HHAT: variants seen among roughly 807,000 people sequenced by gnomAD.
HHAT encodes protein-cysteine N-palmitoyltransferase HHAT.
A neutral mutation model predicts 70.8 loss-of-function variants in HHAT; 47 were observed. The observed-to-expected ratio is 0.66, with a 90% CI of 0.53 to 0.85. HHAT has a LOEUF of 0.85. HHAT is among the 40% of genes least tolerant of loss of function. The pLI is 0.00. For missense variants in HHAT, 609 were observed against 604.8 expected (o/e 1.01, Z -0.07); for synonymous variants, 228 against 247.6 (o/e 0.92, Z 0.74).
Position 210,493,257 on chromosome 1 carries a change from T to C in HHAT, c.1008-19896T>C, listed in dbSNP as rs974266551. Among the ~76,000 whole-genome samples, 3 of 151,936 alleles carry C rather than the reference T, an allele frequency of 2.0e-5. No individual in the cohort carries two copies. In the South Asian group the frequency reaches 6.2e-4, roughly 32 times the overall value. The stretch of plus-strand genomic sequence containing the variant: ...TCACATGTATGTATGTGCATGTATA[T>C]ATACATACATATTTATATATATTTA... On this transcript the variant is annotated intron_variant, in intron 8 of 11. Coordinates refer to ENST00000261458, the MANE Select transcript of HHAT (RefSeq NM_018194.6).
chr1:210,633,666 A>G (rs192651524), intron 11 of HHAT, among the ~76,000 whole-genome samples: 3 of 152,324 alleles, frequency 2.0e-5, no homozygotes, highest in Non-Finnish European at 4.4e-5. Flanking sequence ...TTGATTACAC[A>G]GGAAGCAGCA....
chr1:210,332,179 GC>G (rs2085048880), intron 1 of HHAT, among the ~76,000 whole-genome samples: 1 of 152,166 alleles, frequency 6.6e-6, no homozygotes, highest in South Asian at 2.1e-4. Flanking sequence ...GACCTCTTTG[GC>G]CCGAGTAGTG....
chr1:210,357,497 C>G (rs1231079318), intron 2 of HHAT, among the ~76,000 whole-genome samples: 1 of 152,190 alleles, frequency 6.6e-6, no homozygotes, highest in Non-Finnish European at 1.5e-5. Context: ...TTCTCCATGA[C>G]TGTCCAATCT....
At chr1:210,637,739 A>C (rs1380756327) in intron 11 of HHAT, among the ~76,000 whole-genome samples, 1 of 152,014 alleles carries the variant, frequency 6.6e-6, no homozygotes, top group Non-Finnish European at 1.5e-5. Context: ...ACACGCCTGT[A>C]GTCCCAGCTA....
intron 9 of HHAT, among the ~76,000 whole-genome samples, chr1:210,584,222 G>A (rs1159734703): frequency 9.2e-5 from 14 of 151,768 alleles, no homozygotes; most frequent in African/African-American, 3.1e-4. Context: ...GATTACAGGC[G>A]TGAGCCACTG....
At chr1:210,628,678 G>C (rs1043403050) in intron 11 of HHAT, among the ~76,000 whole-genome samples, 2 of 152,122 alleles carry the variant, frequency 1.3e-5, no homozygotes, top group African/African-American at 2.4e-5. Context: ...ATATTTTCTT[G>C]CTATTTCTAG....
At chr1:210,518,604 C>T (rs1401234299) in intron 9 of HHAT, among the ~76,000 whole-genome samples, 1 of 152,098 alleles carries the variant, frequency 6.6e-6, no homozygotes, top group East Asian at 1.9e-4. Context: ...ACCAGCCTGG[C>T]CAACATGGCA....
At chr1:210,450,034 C>T (rs951967103) in intron 7 of HHAT, among the ~76,000 whole-genome samples, 1 of 152,084 alleles carries the variant, frequency 6.6e-6, no homozygotes, top group Admixed American at 6.6e-5. Flanking sequence ...GTGGCTCACC[C>T]CTGTTATCCT....
intron 9 of HHAT, among the ~76,000 whole-genome samples, chr1:210,540,498 C>T (rs1409268537): frequency 1.5e-5 from 2 of 137,620 alleles, no homozygotes; most frequent in African/African-American, 5.0e-5. Flanking sequence ...CACGCACACA[C>T]ACATGCACAC....
intron 9 of HHAT, among the ~76,000 whole-genome samples, chr1:210,563,962 TG>T (rs1283078469): frequency 6.6e-6 from 1 of 152,126 alleles, no homozygotes; most frequent in African/African-American, 2.4e-5. Context: ...TTTGTTTGTT[TG>T]TTTGTTTTGA....
intron 3 of HHAT, among the ~76,000 whole-genome samples, chr1:210,373,997 C>T (rs908928491): frequency 6.6e-6 from 1 of 152,190 alleles, no homozygotes; most frequent in Non-Finnish European, 1.5e-5. Context: ...AGACTTTTAT[C>T]ATGCAAGTAT....
chr1:210,448,990 C>A (rs1421067632), intron 7 of HHAT, among the ~76,000 whole-genome samples: 2 of 152,192 alleles, frequency 1.3e-5, no homozygotes, highest in African/African-American at 4.8e-5. Context: ...CTGAACATCA[C>A]CCTGGCTCTC....
At chr1:210,354,551 A>AAAAG (rs2087413524) in intron 2 of HHAT, among the ~76,000 whole-genome samples, 1 of 152,098 alleles carries the variant, frequency 6.6e-6, no homozygotes, top group Non-Finnish European at 1.5e-5. Context: ...AAAGAGAGAC[A>AAAAG]AGCTCTCTCT....
intron 4 of HHAT, among the ~76,000 whole-genome samples, chr1:210,394,674 G>C (rs1030045451): frequency 1.3e-5 from 2 of 152,196 alleles, no homozygotes; most frequent in African/African-American, 4.8e-5. Context: ...GACAGGCTGA[G>C]CTCATCAGGC....
intron 2 of HHAT, among the ~76,000 whole-genome samples, chr1:210,355,980 A>G (rs2087567284): frequency 6.6e-6 from 1 of 152,102 alleles, no homozygotes; most frequent in Non-Finnish European, 1.5e-5. Flanking sequence ...GTAGTGGCTC[A>G]GTCCTAGCTC....
At chr1:210,657,181 C>A (rs1676623763) in intron 11 of HHAT, among the ~76,000 whole-genome samples, 1 of 152,196 alleles carries the variant, frequency 6.6e-6, no homozygotes, top group Non-Finnish European at 1.5e-5. Flanking sequence ...GGCTCCACAG[C>A]CACCTACTGC....
chr1:210,652,871 G>A (rs1341268889), intron 11 of HHAT, among the ~76,000 whole-genome samples: 1 of 152,220 alleles, frequency 6.6e-6, no homozygotes, highest in Non-Finnish European at 1.5e-5. Context: ...ATAGATTCCT[G>A]TAGAAGTATA....
At chr1:210,425,907 C>T (rs919055619) in intron 7 of HHAT, among the ~76,000 whole-genome samples, 18 of 152,144 alleles carry the variant, frequency 1.2e-4, no homozygotes, top group African/African-American at 4.1e-4. Context: ...ATAGGAATAG[C>T]ATTGAACCTA....
intron 8 of HHAT, among the ~76,000 whole-genome samples, chr1:210,481,258 G>C (rs919979673): frequency 6.6e-6 from 1 of 152,076 alleles, no homozygotes; most frequent in Non-Finnish European, 1.5e-5. Flanking sequence ...CTAGCCTCTG[G>C]TTACAAACTT....
Sources: gnomAD v4.1 joint callset for allele counts (sites outside exome capture counted in the v4.1 genomes callset) on GRCh38, gnomAD v4.1.1 for gene constraint, MANE v1.5 for transcripts, NCBI Gene and HGNC (gene_info 2026-07-23, HGNC 2026-07-21) for gene names.